The following ATG14 variants were observed in gnomAD, a reference collection of about 807,000 sequenced individuals.
ATG14 encodes the protein autophagy related 14, also known as beclin 1-associated autophagy-related key regulator.
ATG14 carries 35 observed loss-of-function variants against 60.4 expected under a neutral mutation model. That is an observed-to-expected ratio of 0.58 (90% confidence interval 0.44 to 0.77). ATG14 has a LOEUF of 0.77. Among genes scored for constraint, ATG14 ranks in the 30% least tolerant of loss-of-function variants. ATG14 has a pLI of 0.00. For missense variants in ATG14, 647 were observed against 626.3 expected, an observed-to-expected ratio of 1.03 and a Z score of -0.35; for synonymous variants, 234 against 228.8, an observed-to-expected ratio of 1.02 and a Z score of -0.21.
chr14:55,369,843 T>G lies in ATG14; in HGVS notation c.1255A>C (p.Ser419Arg). The G allele has an allele frequency of 6.2e-7, 1 of 1,614,128 alleles. No individual in the cohort carries two copies. The highest frequency in any genetic ancestry group is 1.1e-5 in the South Asian group (1 of 91,072). Residue 419 changes from serine to arginine, a missense_variant, in exon 10 of 10, where the codon AGC becomes CGC. By Grantham distance (110) the Ser-to-Arg change is moderately radical. Coordinates refer to ENST00000247178, the MANE Select transcript of ATG14 (RefSeq NM_014924.5). ...TCATCGCTGACGCGCTCATCTCCGC[T>G]CTCATCTGATTCTCCAGCAACTCCG... Reference protein sequence around the residue: ...DPGVAGESDESGDERVSDEET... With the variant: ...DPGVAGESDERGDERVSDEET...
chr14:55,369,507 T>C lies in ATG14; in HGVS notation c.*112A>G. Reference sequence around the variant, plus strand: ...TTAAAAAGACAAAACAAAACAACACTTTAACCTCTTTGTTCCAGACACTAT... The same window carrying C: ...TTAAAAAGACAAAACAAAACAACACCTTAACCTCTTTGTTCCAGACACTAT... On this transcript the variant is annotated 3_prime_UTR_variant, in exon 10 of 10. Transcript: ENST00000247178. 9.1e-7 allele frequency: 1 copy of C among 1,100,716 alleles called. No homozygotes were observed. Among genetic ancestry groups the C allele is most frequent in the Non-Finnish European group, 1.3e-6 (1 of 797,650 alleles). 68.2% of individuals were successfully genotyped at this position (1,100,716 alleles called of 1,614,324 possible). A position where few individuals can be genotyped will look rare whatever the true frequency, so the allele number is the denominator to read the frequency against.
At chr14:55,401,722 G>A (rs1266955908) in intron 1 of ATG14, among the ~76,000 whole-genome samples, 1 of 152,018 alleles carries the variant, frequency 6.6e-6, no homozygotes, top group African/African-American at 2.4e-5. Context: ...CAGATTGATG[G>A]GAACAAGGAG....
At chr14:55,377,357 A>G (rs1394470845) in intron 9 of ATG14, among the ~76,000 whole-genome samples, 1 of 152,120 alleles carries the variant, frequency 6.6e-6, no homozygotes, top group Non-Finnish European at 1.5e-5. Flanking sequence ...CAAAAAAAAA[A>G]GGAAATTGTG....
In ATG14 at chr14:55,366,605, ATAC is replaced by A. The variant is rs1040252326; in HGVS notation, c.*3011_*3013del. ...CCCGTCCACTCTACCCAATGGTGAT[ATAC>A]TGTTTTTCCCCCTTACAGATGTGCA... On this transcript the variant is annotated 3_prime_UTR_variant, in exon 10 of 10. Transcript: ENST00000247178. 6.6e-6 allele frequency: 1 copy of A among 151,444 alleles called. No homozygotes were observed. Among genetic ancestry groups the A allele is most frequent in the Non-Finnish European group, 1.5e-5 (1 of 67,980 alleles). 9.4% of individuals were successfully genotyped at this position (151,444 alleles called of 1,614,324 possible).
Position 55,386,054 on chromosome 14 carries a change from A to T in ATG14, c.452T>A (p.Leu151His). 1.9e-6 allele frequency: 3 copies of T among 1,612,960 alleles called. No homozygotes were observed. The highest frequency in any genetic ancestry group is 2.5e-6 in the Non-Finnish European group (3 of 1,179,802). The change falls in exon 5 of 10, where the codon CTT becomes CAT. Residue 151 changes from leucine to histidine, a missense_variant. Transcript: ENST00000247178. The stretch of plus-strand genomic sequence containing the variant: ...TTGGTGCCGTTGTGCTCGACTGTAA[A>T]GCTTCTGATTCTTTTCCTTGGTTTT... The part of the protein sequence containing the change: ...LLKTKEKNQK[L>H]YSRAQRHQEK...
At chr14:55,398,542 A>T (rs1236248652) in intron 1 of ATG14, among the ~76,000 whole-genome samples, 1 of 152,164 alleles carries the variant, frequency 6.6e-6, no homozygotes, top group Non-Finnish European at 1.5e-5. Context: ...TTAGAAGCAT[A>T]TTGTTTAATT....
At chr14:55,381,632 G>T (rs1363847696) in intron 6 of ATG14, among the ~76,000 whole-genome samples, 1 of 152,198 alleles carries the variant, frequency 6.6e-6, no homozygotes, top group Non-Finnish European at 1.5e-5. Flanking sequence ...TACGCTAAGT[G>T]AAAGAAGTCT....
intron 1 of ATG14, among the ~76,000 whole-genome samples, chr14:55,399,628 T>C (rs1885366878): frequency 6.6e-6 from 1 of 152,254 alleles, no homozygotes; most frequent in Non-Finnish European, 1.5e-5. Context: ...TATGCTTCTG[T>C]TTCCTTGTAT....
At chr14:55,407,951 A>T (rs78585253) in intron 1 of ATG14, among the ~76,000 whole-genome samples, 2,537 of 152,244 alleles carry the variant, frequency 0.017, 29 homozygotes, top group Non-Finnish European at 0.026. Flanking sequence ...CCATTGGTGG[A>T]AGTTTCATGT....
chr14:55,380,132 C>T (rs7161439), intron 7 of ATG14, among the ~76,000 whole-genome samples: 45,856 of 151,882 alleles, frequency 0.3, 7,223 homozygotes, highest in Non-Finnish European at 0.33. Context: ...CCTGTAATCC[C>T]AGCTACACAG....
At chr14:55,387,897 T>C (rs1326704590) in intron 4 of ATG14, among the ~76,000 whole-genome samples, 3 of 152,110 alleles carry the variant, frequency 2.0e-5, no homozygotes, top group Non-Finnish European at 2.9e-5. Context: ...CTGACCTCAA[T>C]GTGATCCGCC....
chr14:55,391,056 C>T, intron 3 of ATG14, 64 bp from the exon 4 acceptor site: 1 of 1,032,270 alleles, frequency 9.7e-7, no homozygotes, highest in East Asian at 2.6e-5. Context: ...GATTATCTAC[C>T]TGGGATCACT....
chr14:55,388,867 C>T (rs574734659), intron 4 of ATG14, among the ~76,000 whole-genome samples: 5 of 152,188 alleles, frequency 3.3e-5, no homozygotes, highest in Admixed American at 2.0e-4. Flanking sequence ...CAAAGTGTGG[C>T]GTCTAGATCT....
chr14:55,409,569 AAAAC>A (rs1229481129), intron 1 of ATG14, among the ~76,000 whole-genome samples: 1 of 152,192 alleles, frequency 6.6e-6, no homozygotes. Flanking sequence ...CCTAAAAAAA[AAAAC>A]AAAGGAGGCA....
intron 9 of ATG14, among the ~76,000 whole-genome samples, 194 bp from the exon 10 acceptor site, chr14:55,370,119 A>G (rs904175632): frequency 2.0e-5 from 3 of 152,212 alleles, no homozygotes; most frequent in African/African-American, 7.2e-5. Flanking sequence ...CACCCAAGTT[A>G]TAAATAAAAT....
chr14:55,369,694 G>A lies in ATG14; in HGVS notation c.1404C>T (p.Ser468=). Residue 468 remains serine (S), a synonymous_variant, in exon 10 of 10, where the codon AGC becomes AGT. Transcript: ENST00000247178. ...STQASPPIAS[S]SAGGMISSAA... Reference sequence around the variant, plus strand: ...CAGAGGAGATCATCCCACCTGCACTGCTGCTCGCGATGGGTGGGGACGCCT... The same window carrying A: ...CAGAGGAGATCATCCCACCTGCACTACTGCTCGCGATGGGTGGGGACGCCT... The A allele has an allele frequency of 5.6e-6, 9 of 1,603,966 alleles. No individual in the cohort carries two copies. Among genetic ancestry groups the A allele is most frequent in the Non-Finnish European group, 7.7e-6 (9 of 1,173,818 alleles).
rs1462438500 is a variant in ATG14, at chr14:55,411,758, A to G, written c.65T>C (p.Leu22Pro). ...LEAPGCGPRP[L>P]ARDLVDSVDD... The stretch of plus-strand genomic sequence containing the variant: ...CACGGAGTCCACCAGGTCCCGGGCG[A>G]GCGGCCGGGGCCCGCAGCCAGGAGC... Residue 22 changes from leucine (L) to proline (P), a missense_variant, in exon 1 of 10, where the codon CTC (leucine) becomes CCC (proline). Physicochemically the swap from Leu to Pro is moderately conservative, Grantham distance 98. Transcript: ENST00000247178. 3 of 1,607,092 alleles carry G rather than the reference A, an allele frequency of 1.9e-6. No homozygotes were observed. The highest frequency in any genetic ancestry group is 1.7e-6 in the Non-Finnish European group (2 of 1,177,428).
In ATG14 at chr14:55,405,898, C is replaced by G. The variant is rs545410334; in HGVS notation, c.221+5704G>C. Among the ~76,000 whole-genome samples the G allele has an allele frequency of 9.2e-3, 1,256 of 136,788 alleles. 21 individuals carry two copies. The highest frequency in any genetic ancestry group is 0.033 in the African/African-American group (1,207 of 36,128). 89.7% of individuals were successfully genotyped at this position (136,788 alleles called of 152,430 possible). A position where few individuals can be genotyped will look rare whatever the true frequency, so the allele number is the denominator to read the frequency against. On this transcript the variant is annotated intron_variant, in intron 1 of 9. Coordinates refer to ENST00000247178, the MANE Select transcript of ATG14 (RefSeq NM_014924.5). ...CCTGGGGGTGGGGTGGCGGGGGGGG[C>G]AGGGGAAGAAAAGGCAGATGTGAAA...
intron 5 of ATG14, among the ~76,000 whole-genome samples, chr14:55,384,703 T>C (rs887465905): frequency 2.0e-5 from 3 of 152,206 alleles, no homozygotes; most frequent in African/African-American, 7.2e-5. Context: ...AGAGAATAGT[T>C]ATGAAACTAG....
Sources: allele counts gnomAD v4.1 joint callset (sites outside exome capture counted in the v4.1 genomes callset), GRCh38; gene constraint gnomAD v4.1.1; transcripts MANE v1.5; gene names NCBI Gene and HGNC (gene_info 2026-07-23, HGNC 2026-07-21).